NELL2: variants seen among roughly 807,000 people sequenced by gnomAD.
The protein encoded by NELL2 is protein kinase C-binding protein NELL2.
In NELL2, 41 loss-of-function variants were observed where a neutral mutation model predicts 109.6. The ratio of observed to expected loss-of-function variants is 0.37; its 90% CI spans 0.29 to 0.49. The LOEUF is 0.49. NELL2 is among the 20% of genes least tolerant of loss of function. The pLI, the probability that NELL2 is intolerant of heterozygous loss-of-function variation, is 0.98. For synonymous variants in NELL2, 355 were observed against 344.7 expected, an observed-to-expected ratio of 1.03 and a Z score of -0.33; for missense variants, 900 against 1,008.3, an observed-to-expected ratio of 0.89 and a Z score of 1.45.
chr12:44,541,181 G>A (rs865949647), intron 15 of NELL2, among the ~76,000 whole-genome samples: 79 of 141,618 alleles, frequency 5.6e-4, no homozygotes, highest in African/African-American at 1.7e-3. Flanking sequence ...AACCCAGGAG[G>A]CAGAGCTTGC....
intron 2 of NELL2, among the ~76,000 whole-genome samples, chr12:44,841,928 C>T (rs940598982): frequency 1.3e-5 from 2 of 151,656 alleles, no homozygotes; most frequent in African/African-American, 4.9e-5. Flanking sequence ...GATAATCTTC[C>T]AGTAAAATGG....
intron 15 of NELL2, among the ~76,000 whole-genome samples, chr12:44,535,989 C>G (rs1419967738): frequency 1.3e-5 from 2 of 151,898 alleles, no homozygotes; most frequent in Non-Finnish European, 2.9e-5. Context: ...AAGGAAAAAA[C>G]TAGTCAGATA....
At chr12:44,817,134 T>C (rs1291505569) in intron 2 of NELL2, among the ~76,000 whole-genome samples, 1 of 152,184 alleles carries the variant, frequency 6.6e-6, no homozygotes, top group Non-Finnish European at 1.5e-5. Flanking sequence ...GTAAAACATT[T>C]AGCACTCCTG....
upstream of NELL2, among the ~76,000 whole-genome samples, chr12:44,914,699 T>C (rs1161407704): frequency 1.3e-5 from 2 of 152,136 alleles, no homozygotes; most frequent in East Asian, 3.9e-4. Context: ...TCGGTAAATA[T>C]TTAGTGGATG....
intron 13 of NELL2, among the ~76,000 whole-genome samples, chr12:44,628,128 A>G (rs1249391964): frequency 4.0e-5 from 6 of 151,204 alleles, no homozygotes; most frequent in Non-Finnish European, 7.3e-5. Context: ...GCTAATATGT[A>G]ATTTAAGTAC....
intron 9 of NELL2, among the ~76,000 whole-genome samples, chr12:44,749,692 G>A (rs184895025): frequency 6.6e-6 from 1 of 152,276 alleles, no homozygotes; most frequent in East Asian, 1.9e-4. Context: ...CCCCCTCGGA[G>A]GAGGAAAGGA....
intron 13 of NELL2, among the ~76,000 whole-genome samples, chr12:44,622,400 G>T (rs559181629): frequency 6.6e-6 from 1 of 152,040 alleles, no homozygotes; most frequent in Non-Finnish European, 1.5e-5. Flanking sequence ...CACTAAGCTA[G>T]TGAAAATCTC....
chr12:44,758,674 A>G (rs1384528700), intron 9 of NELL2, among the ~76,000 whole-genome samples: 1 of 152,174 alleles, frequency 6.6e-6, no homozygotes, highest in Non-Finnish European at 1.5e-5. Context: ...CCCTGTATGA[A>G]ACAGATTAAC....
chr12:44,886,446 T>A (rs1945474626), intron 1 of NELL2, among the ~76,000 whole-genome samples: 1 of 151,914 alleles, frequency 6.6e-6, no homozygotes, highest in Non-Finnish European at 1.5e-5. Flanking sequence ...TCAGATTATA[T>A]AAATAACTCT....
At chr12:44,825,391 CTTTTTTTT>C (rs34266446) in intron 2 of NELL2, among the ~76,000 whole-genome samples, 2 of 83,618 alleles carry the variant, frequency 2.4e-5, no homozygotes, top group Non-Finnish European at 4.4e-5. Flanking sequence ...TATTCATTTC[CTTTTTTTT>C]TTTTTTTTTT....
At chr12:44,663,645 A>G (rs1297927172) in intron 13 of NELL2, among the ~76,000 whole-genome samples, 1 of 152,218 alleles carries the variant, frequency 6.6e-6, no homozygotes, top group Non-Finnish European at 1.5e-5. Flanking sequence ...GTAGTCAAAA[A>G]CAAACATTAA....
Position 44,776,023 on chromosome 12 carries a change from A to G in NELL2, c.890T>C (p.Leu297Pro), listed in dbSNP as rs753769560. 3 of 1,612,520 alleles carry G rather than the reference A, an allele frequency of 1.9e-6. No homozygotes were observed. The highest frequency in any genetic ancestry group is 1.7e-6 in the Non-Finnish European group (2 of 1,179,494). Reference protein sequence around the residue: ...WIDGCKNCTCLNGTIQCETLI... With the variant: ...WIDGCKNCTCPNGTIQCETLI... ...TCTCAACTCAAATAGAAGCCATACCAGGCATGTGCAGTTCTTACAGCCGTC... is the reference window on the plus strand; with the variant it reads ...TCTCAACTCAAATAGAAGCCATACCGGGCATGTGCAGTTCTTACAGCCGTC... Residue 297 changes from leucine to proline, a missense_variant and splice_region_variant, in exon 8 of 20, where the codon CTG becomes CCG. Leu to Pro is a moderately conservative substitution (Grantham distance 98). Coordinates refer to ENST00000429094, the MANE Select transcript of NELL2 (RefSeq NM_001145108.2).
chr12:44,918,252 G>A (rs1480329557), upstream of NELL2, among the ~76,000 whole-genome samples: 2 of 152,040 alleles, frequency 1.3e-5, no homozygotes, highest in African/African-American at 4.8e-5. Flanking sequence ...ATCCTATATG[G>A]TGTTAATCTC....
chr12:44,623,244 G>A (rs1946122455), intron 13 of NELL2, among the ~76,000 whole-genome samples: 1 of 152,050 alleles, frequency 6.6e-6, no homozygotes, highest in African/African-American at 2.4e-5. Flanking sequence ...GGGTACGTGT[G>A]TGAATATATA....
chr12:44,543,149 C>A (rs1233603709), intron 15 of NELL2, among the ~76,000 whole-genome samples: 2 of 152,106 alleles, frequency 1.3e-5, no homozygotes, highest in African/African-American at 4.8e-5. Flanking sequence ...AATTTATCAC[C>A]ATCATTTCCA....
intron 12 of NELL2, among the ~76,000 whole-genome samples, chr12:44,692,660 A>T (rs754747767): frequency 2.0e-5 from 3 of 152,156 alleles, no homozygotes; most frequent in Non-Finnish European, 4.4e-5. Flanking sequence ...AGAGGTCAAG[A>T]TAACTACACT....
chr12:44,647,161 G>A (rs1054870252), intron 13 of NELL2, among the ~76,000 whole-genome samples: 1 of 152,040 alleles, frequency 6.6e-6, no homozygotes, highest in Admixed American at 6.6e-5. Flanking sequence ...GGGTAGCAGG[G>A]CCCCTATACA....
At position 44,520,130 on chromosome 12, in the gene NELL2, G is replaced by A. The variant is rs1207149307; in HGVS notation, c.2275C>T (p.Pro759Ser). ...NECCPRCVTD[P>S]CQADTIRNDI... ...TTGCGGATGGTGTCAGCCTGGCAAGGGTCTGTGACACAGCGCGGGCAGCAC... is the reference window on the plus strand; with the variant it reads ...TTGCGGATGGTGTCAGCCTGGCAAGAGTCTGTGACACAGCGCGGGCAGCAC... Residue 759 changes from proline (P) to serine (S), a missense_variant, in exon 19 of 20, where the codon CCT (proline) becomes TCT (serine). Pro to Ser is a moderately conservative substitution (Grantham distance 74, BLOSUM62 -1). Coordinates refer to ENST00000429094, the MANE Select transcript of NELL2 (RefSeq NM_001145108.2). 2 of 1,614,088 alleles carry A rather than the reference G, an allele frequency of 1.2e-6. No homozygotes were observed. The highest frequency in any genetic ancestry group is 1.7e-5 in the Admixed American group (1 of 60,010).
At chr12:44,851,400 A>G (rs977096069) in intron 2 of NELL2, among the ~76,000 whole-genome samples, 2 of 152,196 alleles carry the variant, frequency 1.3e-5, no homozygotes, top group African/African-American at 2.4e-5. Flanking sequence ...TGAAATATTA[A>G]ATGTTCTAAA....
Sources: allele counts gnomAD v4.1 joint callset (sites outside exome capture counted in the v4.1 genomes callset), GRCh38; gene constraint gnomAD v4.1.1; transcripts MANE v1.5; gene names NCBI Gene and HGNC (gene_info 2026-07-23, HGNC 2026-07-21).